The following PKHD1L1 variants were observed in gnomAD, a reference collection of about 807,000 sequenced individuals.
The protein encoded by PKHD1L1 is PKHD1 like 1, also known as fibrocystin-L.
Under a neutral mutation model 462.9 loss-of-function variants are expected in PKHD1L1, and 434 were observed. The ratio of observed to expected loss-of-function variants is 0.94; its 90% CI spans 0.87 to 1.02. The LOEUF is 1.02. Among genes scored for constraint, PKHD1L1 ranks in the 50% least tolerant of loss-of-function variants. The pLI, the probability that PKHD1L1 is intolerant of heterozygous loss-of-function variation, is 0.00. For synonymous variants in PKHD1L1, 1,781 were observed against 1,750.0 expected (o/e 1.02, Z -0.44); for missense variants, 5,202 against 5,096.1 (o/e 1.02, Z -0.63).
chr8:109,530,925 C>T lies in PKHD1L1; in HGVS notation c.*835C>T, dbSNP rs1821026791. ...GTGGGAAGTCAACAACAGAACAGAA[C>T]TTATTTTCAAGAAGATAAATTAGAG... On this transcript the variant is annotated 3_prime_UTR_variant, in exon 78 of 78. Transcript: ENST00000378402. Among the ~76,000 whole-genome samples the T allele has an allele frequency of 6.6e-6, 1 of 152,234 alleles. No individual in the cohort carries two copies. The highest frequency in any genetic ancestry group is 2.4e-5 in the African/African-American group (1 of 41,548).
intron 73 of PKHD1L1, among the ~76,000 whole-genome samples, chr8:109,519,223 T>A (rs981214342): frequency 6.6e-6 from 1 of 152,008 alleles, no homozygotes; most frequent in African/African-American, 2.4e-5. Context: ...CACTTCCTAT[T>A]TTTTATCAGA....
chr8:109,493,734 A>G lies in PKHD1L1; in HGVS notation c.10310A>G (p.Asp3437Gly), dbSNP rs118053060. 35,765 of 1,605,150 alleles carry G rather than the reference A, an allele frequency of 0.022. 532 individuals are homozygous for G. The highest frequency in any genetic ancestry group is 0.063 in the Middle Eastern group (382 of 6,036). Residue 3437 changes from aspartate to glycine, a missense_variant, in exon 63 of 78, where the codon GAT becomes GGT. By Grantham distance (94) the Asp-to-Gly change is moderately conservative. Transcript: ENST00000378402. Reference protein sequence around the residue: ...AGFGRAGYRIDGEPCPGQFNP... With the variant: ...AGFGRAGYRIGGEPCPGQFNP... Reference sequence around the variant, plus strand: ...TTTGGAAGAGCAGGATACCGCATTGATGGTGAACCTTGCCCAGGTAAGTCT... The same window carrying G: ...TTTGGAAGAGCAGGATACCGCATTGGTGGTGAACCTTGCCCAGGTAAGTCT...
intron 59 of PKHD1L1, among the ~76,000 whole-genome samples, chr8:109,487,876 AAG>A (rs36049709): frequency 0.037 from 4,295 of 114,868 alleles, 241 homozygotes; most frequent in Admixed American, 0.052. Context: ...GACAGAGAGA[AAG>A]AGAGAGAGAG....
At chr8:109,470,207 C>A in intron 50 of PKHD1L1, 1 of 956,068 alleles carries the variant, frequency 1.0e-6, no homozygotes, top group Non-Finnish European at 1.6e-6. Flanking sequence ...GCTTTTGATA[C>A]CAGTTACTCT....
At chr8:109,461,284 T>C (rs556565393) in intron 47 of PKHD1L1, among the ~76,000 whole-genome samples, 1 of 152,300 alleles carries the variant, frequency 6.6e-6, no homozygotes, top group African/African-American at 2.4e-5. Context: ...ACGTTCTCAT[T>C]CCAGTTCATC....
Position 109,445,176 on chromosome 8 carries a change from A to G in PKHD1L1, c.5307A>G (p.Gly1769=), listed in dbSNP as rs1399531414. ...GATCTGTAAAAGTTCTTATTGAAGG[A>G]GAAGGTTTGGGGACTGTTTTGGAGG... is the stretch of plus-strand genomic sequence containing the variant. ...VIGSVKVLIE[G]EGLGTVLEDI... The change falls in exon 38 of 78, where the codon GGA becomes GGG. Residue 1769 remains glycine (G), a synonymous_variant. Transcript: ENST00000378402. The G allele has an allele frequency of 1.2e-6, 2 of 1,613,828 alleles. No homozygotes were observed. The highest frequency in any genetic ancestry group is 2.2e-5 in the East Asian group (1 of 44,900).
intron 30 of PKHD1L1, 124 bp downstream of exon 30, chr8:109,436,583 T>C: frequency 7.0e-7 from 1 of 1,429,196 alleles, no homozygotes; most frequent in Non-Finnish European, 9.2e-7. Context: ...AGGGTTTCTA[T>C]TATGCTCCTT....
Position 109,439,121 on chromosome 8 carries a change from G to T in PKHD1L1, c.3956+29G>T, listed in dbSNP as rs535911986. ...TGATAATGAACATAAACTTGATGGA[G>T]TTGTAGAACACATGGGGCTAGTGGA... On this transcript the variant is annotated intron_variant, in intron 32 of 77. Transcript: ENST00000378402. 3.2e-6 allele frequency: 5 copies of T among 1,584,644 alleles called. 1 individual carries two copies. The Admixed American group carries it at 5.1e-5, about 16-fold the overall frequency.
Position 109,533,378 on chromosome 8 carries a change from G to A in PKHD1L1, c.*3288G>A, listed in dbSNP as rs10108943. The stretch of plus-strand genomic sequence containing the variant: ...CTCTTGTTTTTATTTCCATAATGTG[G>A]CCTATATCATGTCAATCCCTGGCCC... On this transcript the variant is annotated 3_prime_UTR_variant, in exon 78 of 78. Transcript: ENST00000378402. Among the ~76,000 whole-genome samples, 78,309 of 152,056 alleles carry A rather than the reference G, an allele frequency of 0.52. 21,875 individuals are homozygous for A. The highest frequency in any genetic ancestry group is 0.66 in the East Asian group (3,438 of 5,176).
intron 20 of PKHD1L1, among the ~76,000 whole-genome samples, chr8:109,413,148 A>G (rs1487567594): frequency 6.6e-6 from 1 of 152,120 alleles, no homozygotes; most frequent in Non-Finnish European, 1.5e-5. Context: ...ACAGAGAGTG[A>G]ATTGTTTCCA....
chr8:109,451,056 C>A lies in PKHD1L1; in HGVS notation c.6257C>A (p.Ala2086Glu). The A allele has an allele frequency of 6.2e-7, 1 of 1,613,830 alleles. No homozygotes were observed. The highest frequency in any genetic ancestry group is 8.5e-7 in the Non-Finnish European group (1 of 1,179,788). Residue 2086 changes from alanine to glutamate, a missense_variant, in exon 41 of 78, where the codon GCA (alanine) becomes GAA (glutamate). By Grantham distance (107) the Ala-to-Glu change is moderately radical. Coordinates refer to ENST00000378402, the MANE Select transcript of PKHD1L1 (RefSeq NM_177531.6). The part of the protein sequence containing the change: ...LSQSMTPFTY[A>E]VSLTPLITAV... ...CAGTCCATGACTCCGTTTACGTACG[C>A]AGTGTCACTGACTCCACTCATCACT...
intron 26 of PKHD1L1, among the ~76,000 whole-genome samples, chr8:109,429,706 T>C (rs1814983598): frequency 6.6e-6 from 1 of 152,170 alleles, no homozygotes; most frequent in Admixed American, 6.5e-5. Flanking sequence ...GAATCTTTCC[T>C]TCAATCTTTA....
intron 58 of PKHD1L1, among the ~76,000 whole-genome samples, chr8:109,485,642 C>A (rs183393126): frequency 6.6e-6 from 1 of 152,014 alleles, no homozygotes; most frequent in African/African-American, 2.4e-5. Flanking sequence ...AGGAGCAGGG[C>A]CTTCCCAGCA....
intron 13 of PKHD1L1, among the ~76,000 whole-genome samples, chr8:109,400,719 C>T (rs2061295): frequency 0.55 from 83,953 of 151,702 alleles, 23,367 homozygotes; most frequent in South Asian, 0.65. Context: ...AATGACTAAG[C>T]AGTGTTATTA....
Position 109,390,500 on chromosome 8 carries a change from C to T in PKHD1L1, c.740+6C>T, listed in dbSNP as rs955284065. 60 of 1,413,654 alleles carry T rather than the reference C, an allele frequency of 4.2e-5. No homozygotes were observed. Among genetic ancestry groups the T allele is most frequent in the Non-Finnish European group, 5.6e-5 (59 of 1,046,934 alleles). 87.6% of individuals were successfully genotyped at this position (1,413,654 alleles called of 1,614,324 possible). A position where few individuals can be genotyped will look rare whatever the true frequency, so the allele number is the denominator to read the frequency against. ...TTAGATAATGATTATGGAAGGTAGG[C>T]TATTTTGTAAATAATAACTTTTATA... On this transcript the variant is annotated splice_donor_region_variant and intron_variant, in intron 9 of 77. Transcript: ENST00000378402.
At chr8:109,385,425 G>T in intron 5 of PKHD1L1, 112 bp from the exon 6 acceptor site, 2 of 607,742 alleles carry the variant, frequency 3.3e-6, no homozygotes, top group Non-Finnish European at 5.6e-6. Context: ...CAAACATGAG[G>T]TATAAGTGTC....
chr8:109,388,935 T>C, intron 7 of PKHD1L1, 144 bp from the exon 8 acceptor site: 1 of 513,690 alleles, frequency 1.9e-6, no homozygotes, highest in Non-Finnish European at 3.4e-6. Flanking sequence ...TGGGAAATAG[T>C]TTTATTTTAC....
chr8:109,440,860 C>T lies in PKHD1L1; in HGVS notation c.4099+8C>T. 1.2e-6 allele frequency: 2 copies of T among 1,610,364 alleles called. No individual in the cohort carries two copies. Among genetic ancestry groups the T allele is most frequent in the South Asian group, 2.2e-5 (2 of 90,510 alleles). On this transcript the variant is annotated splice_region_variant and intron_variant, in intron 33 of 77. Transcript: ENST00000378402. ...AGAATACCGTGCTGTTAGGTAAGAG[C>T]TTCATTCATAGGAAAGTGATTATCA...
intron 11 of PKHD1L1, 117 bp downstream of exon 11, chr8:109,396,254 G>A: frequency 1.3e-6 from 1 of 745,242 alleles, no homozygotes; most frequent in South Asian, 1.9e-5. Flanking sequence ...TGGAAGCTGA[G>A]TATTTTCACA....
Sources: gnomAD v4.1 joint callset for allele counts (sites outside exome capture counted in the v4.1 genomes callset) on GRCh38, gnomAD v4.1.1 for gene constraint, MANE v1.5 for transcripts, NCBI Gene and HGNC (gene_info 2026-07-23, HGNC 2026-07-21) for gene names.